Variants in STXBP5L observed in about 807,000 individuals in gnomAD.
STXBP5L encodes the protein syntaxin binding protein 5L, also known as syntaxin-binding protein 5-like.
STXBP5L carries 65 observed loss-of-function variants against 144.5 expected under a neutral mutation model. That is an observed-to-expected ratio of 0.45 (90% CI 0.37 to 0.55). The LOEUF (loss-of-function observed/expected upper bound fraction) is 0.55, where lower values mean the gene tolerates loss of function less well. STXBP5L is among the 20% of genes least tolerant of loss of function. STXBP5L has a pLI of 0.00. For synonymous variants in STXBP5L, 505 were observed against 469.6 expected, an observed-to-expected ratio of 1.08 and a Z score of -0.97; for missense variants, 1,298 against 1,405.5, an observed-to-expected ratio of 0.92 and a Z score of 1.22.
chr3:121,244,921 A>C (rs2049795053), intron 14 of STXBP5L, among the ~76,000 whole-genome samples: 1 of 152,176 alleles, frequency 6.6e-6, no homozygotes, highest in African/African-American at 2.4e-5. Context: ...CATGTCTTAC[A>C]TGAATTGCTG....
chr3:121,365,403 C>CT (rs1052698295), intron 20 of STXBP5L, among the ~76,000 whole-genome samples: 14 of 108,048 alleles, frequency 1.3e-4, no homozygotes, highest in East Asian at 3.1e-4. Flanking sequence ...TTTTTTCTTT[C>CT]TTTTTTTTTA....
chr3:121,125,239 T>G (rs1388123379), intron 7 of STXBP5L, among the ~76,000 whole-genome samples: 1 of 151,892 alleles, frequency 6.6e-6, no homozygotes, highest in Admixed American at 6.6e-5. Flanking sequence ...GAGGACGAGG[T>G]GGGTGGATCA....
intron 7 of STXBP5L, among the ~76,000 whole-genome samples, chr3:121,150,436 G>A (rs1399065512): frequency 4.6e-5 from 7 of 151,826 alleles, no homozygotes; most frequent in Admixed American, 3.9e-4. Flanking sequence ...GATGTCAGGG[G>A]GATTCTTTTC....
intron 7 of STXBP5L, among the ~76,000 whole-genome samples, chr3:121,146,634 G>T (rs6775508): frequency 4.0e-5 from 6 of 151,866 alleles, no homozygotes; most frequent in Non-Finnish European, 8.8e-5. Context: ...AAAGTTTAAC[G>T]CAAAACTGCA....
intron 5 of STXBP5L, among the ~76,000 whole-genome samples, chr3:121,052,629 A>C (rs541004236): frequency 6.6e-6 from 1 of 152,208 alleles, no homozygotes; most frequent in African/African-American, 2.4e-5. Context: ...ACAAACCCAC[A>C]GTCAATATCA....
chr3:120,911,373 GA>G (rs1708832820), intron 2 of STXBP5L, among the ~76,000 whole-genome samples: 1 of 152,056 alleles, frequency 6.6e-6, no homozygotes, highest in Non-Finnish European at 1.5e-5. Context: ...GGCATGGTAG[GA>G]AGAGCACTGG....
chr3:121,378,397 G>T (rs768054040), intron 20 of STXBP5L, among the ~76,000 whole-genome samples: 3 of 151,948 alleles, frequency 2.0e-5, no homozygotes, highest in Non-Finnish European at 4.4e-5. Context: ...TACTTTCATT[G>T]TATATTTAAG....
intron 5 of STXBP5L, among the ~76,000 whole-genome samples, chr3:121,089,272 A>G (rs1007466665): frequency 2.6e-5 from 4 of 151,772 alleles, no homozygotes; most frequent in African/African-American, 9.6e-5. Context: ...CCATAAAGCA[A>G]TTTTTTATTG....
At chr3:121,026,174 T>C (rs545502430) in intron 3 of STXBP5L, among the ~76,000 whole-genome samples, 1 of 151,816 alleles carries the variant, frequency 6.6e-6, no homozygotes, top group South Asian at 2.1e-4. Context: ...TATGATCAAG[T>C]ACTTGCTTCT....
chr3:121,044,855 A>T (rs1208877111), intron 4 of STXBP5L, among the ~76,000 whole-genome samples: 1 of 152,254 alleles, frequency 6.6e-6, no homozygotes, highest in East Asian at 1.9e-4. Context: ...TTTTATAGTT[A>T]TACTAAATTC....
chr3:121,356,512 G>T (rs995457670), intron 20 of STXBP5L, among the ~76,000 whole-genome samples: 1 of 152,244 alleles, frequency 6.6e-6, no homozygotes, highest in Non-Finnish European at 1.5e-5. Context: ...ACAGGAGAGA[G>T]TCTCCTTGTC....
In STXBP5L at chr3:121,419,089, C is replaced by T; in HGVS notation, c.3481C>T (p.Gln1161Ter). ...MLKYKDKKWY[Q>*]F ...GAAATACAAGGATAAGAAATGGTAC[C>T]AATTCTGACTTCTAAAGAAGCTGTG... Residue 1161 changes from glutamine (Q) to a stop codon, truncating the protein, a stop_gained, in exon 27 of 27, where the codon CAA becomes TAA. Transcript: ENST00000471454. LOFTEE classifies it high-confidence loss of function. 6.2e-7 allele frequency: 1 copy of T among 1,609,724 alleles called. No individual in the cohort carries two copies. Among genetic ancestry groups the T allele is most frequent in the Non-Finnish European group, 8.5e-7 (1 of 1,178,242 alleles).
chr3:121,007,645 G>A (rs756994641), intron 3 of STXBP5L, among the ~76,000 whole-genome samples: 39 of 152,122 alleles, frequency 2.6e-4, no homozygotes, highest in Non-Finnish European at 5.0e-4. Flanking sequence ...AACAGGATGA[G>A]GGTGGGATAT....
rs377307642 is a variant in STXBP5L, at chr3:121,383,778, C to A, written c.2587+2246C>A. 8.5e-5 allele frequency among the ~76,000 whole-genome samples: 13 copies of A among 152,192 alleles called. No homozygotes were observed. In the East Asian group the frequency reaches 1.4e-3, roughly 16 times the overall value. ...GAGCCTACTTATTGACTAACTGTCCCGGTCTTCACTCTCCTTGCCATATTT... is the reference window on the plus strand; with the variant it reads ...GAGCCTACTTATTGACTAACTGTCCAGGTCTTCACTCTCCTTGCCATATTT... On this transcript the variant is annotated intron_variant, in intron 22 of 26. Coordinates refer to ENST00000471454, the MANE Select transcript of STXBP5L (RefSeq NM_001308330.2).
At chr3:121,311,917 G>T (rs1176286683) in intron 19 of STXBP5L, among the ~76,000 whole-genome samples, 1 of 152,174 alleles carries the variant, frequency 6.6e-6, no homozygotes, top group South Asian at 2.1e-4. Context: ...AAAGCTGGAG[G>T]CATCAAGCTA....
At chr3:120,928,488 C>T (rs1015208838) in intron 2 of STXBP5L, among the ~76,000 whole-genome samples, 1 of 152,126 alleles carries the variant, frequency 6.6e-6, no homozygotes, top group African/African-American at 2.4e-5. Flanking sequence ...CTCTCGAACT[C>T]CTGACCTTGT....
intron 20 of STXBP5L, among the ~76,000 whole-genome samples, chr3:121,325,475 T>G (rs900076907): frequency 6.6e-6 from 1 of 151,986 alleles, no homozygotes; most frequent in Non-Finnish European, 1.5e-5. Flanking sequence ...AAAAATTAAT[T>G]TGGGAATTAC....
At position 121,033,488 on chromosome 3, in the gene STXBP5L, G is replaced by T. The variant is rs1179645147; in HGVS notation, c.288-8212G>T. 4.9e-5 allele frequency among the ~76,000 whole-genome samples: 7 copies of T among 142,064 alleles called. No homozygotes were observed. The East Asian group carries it at 8.2e-4, about 17-fold the overall frequency. The allele number at this position is 142,064 out of a possible 152,430, so 93.2% of individuals were successfully genotyped here. On this transcript the variant is annotated intron_variant, in intron 3 of 26. Coordinates refer to ENST00000471454, the MANE Select transcript of STXBP5L (RefSeq NM_001308330.2). ...CTAATGCTAGATGACACGTTAGTGG[G>T]TGCAGTGCACCAGCATGGCACATGT...
chr3:121,261,011 A>G (rs2050365741), intron 18 of STXBP5L, among the ~76,000 whole-genome samples: 1 of 152,182 alleles, frequency 6.6e-6, no homozygotes, highest in Non-Finnish European at 1.5e-5. Context: ...ATATATGATT[A>G]TTCTCTAGCC....
Sources: allele counts gnomAD v4.1 joint callset (sites outside exome capture counted in the v4.1 genomes callset), GRCh38; gene constraint gnomAD v4.1.1; transcripts MANE v1.5; gene names NCBI Gene and HGNC (gene_info 2026-07-23, HGNC 2026-07-21).